Variants in DYNC2H1 observed in about 807,000 individuals in gnomAD.
DYNC2H1 encodes dynein cytoplasmic 2 heavy chain 1.
DYNC2H1 carries 410 observed loss-of-function variants against 570.0 expected under a neutral mutation model. The observed-to-expected ratio is 0.72, with a 90% CI of 0.66 to 0.78. DYNC2H1 has a LOEUF of 0.78. Ranked by LOEUF, DYNC2H1 falls within the 30% of genes least tolerant of loss-of-function variation. DYNC2H1 has a pLI of 0.00. For synonymous variants in DYNC2H1, 1,688 were observed against 1,677.6 expected (o/e 1.01, Z -0.15); for missense variants, 4,865 against 5,046.4 (o/e 0.96, Z 1.09).
chr11:103,317,352 TGA>T (rs1467758803), intron 80 of DYNC2H1, among the ~76,000 whole-genome samples: 1 of 148,038 alleles, frequency 6.8e-6, no homozygotes, highest in East Asian at 2.0e-4. Context: ...CTAAAGCCTG[TGA>T]GTCACCTTGG....
rs113500552 is a variant in DYNC2H1, at chr11:103,391,884, G to A, written c.12157-7779G>A. 5.1e-4 allele frequency among the ~76,000 whole-genome samples: 76 copies of A among 149,712 alleles called. 1 individual carries two copies. Among genetic ancestry groups the A allele is most frequent in the South Asian group, 2.4e-3 (11 of 4,670 alleles). ...CTTTGTCTCAGAGGGGTACCCAGCC[G>A]TGTGAGGTGTCATTGTGCCCCTACT... On this transcript the variant is annotated intron_variant, in intron 83 of 88. Transcript: ENST00000375735.
At chr11:103,219,432 C>T (rs55721942) in intron 55 of DYNC2H1, among the ~76,000 whole-genome samples, 7,766 of 152,018 alleles carry the variant, frequency 0.051, 259 homozygotes, top group Non-Finnish European at 0.071. Context: ...GCCAACATGG[C>T]GAAACCCCGT....
chr11:103,204,780 A>G lies in DYNC2H1; in HGVS notation c.8312-42A>G, dbSNP rs1166667234. On this transcript the variant is annotated intron_variant, in intron 51 of 88. Coordinates refer to ENST00000375735, the MANE Select transcript of DYNC2H1 (RefSeq NM_001377.3). This position sits in a 1 kb window ranked among gnomAD's most constrained non-coding sequence, Gnocchi z 4.1. ...TTGATCTCTTTAACCCAGACCACGT[A>G]TAGATTGCCTGATTGTATTATTATT... The G allele has an allele frequency of 7.2e-6, 11 of 1,523,240 alleles. No homozygotes were observed. Among genetic ancestry groups the G allele is most frequent in the African/African-American group, 1.4e-5 (1 of 72,260 alleles). 94.4% of individuals were successfully genotyped at this position (1,523,240 alleles called of 1,614,324 possible). A position where few individuals can be genotyped will look rare whatever the true frequency, so the allele number is the denominator to read the frequency against.
chr11:103,170,878 T>A lies in DYNC2H1; in HGVS notation c.5152-8T>A. 2 of 1,470,488 alleles carry A rather than the reference T, an allele frequency of 1.4e-6. No individual in the cohort carries two copies. Among genetic ancestry groups the A allele is most frequent in the Non-Finnish European group, 1.8e-6 (2 of 1,102,030 alleles). The allele number at this position is 1,470,488 out of a possible 1,614,324, so 91.1% of individuals were successfully genotyped here. ...TTAATGACTATAATTTTTATTGTTGTTTTTAAGGGCATCGATGTGAAGTCA... is the reference window on the plus strand; with the variant it reads ...TTAATGACTATAATTTTTATTGTTGATTTTAAGGGCATCGATGTGAAGTCA... On this transcript the variant is annotated splice_region_variant and splice_polypyrimidine_tract_variant and intron_variant, in intron 33 of 88. Transcript: ENST00000375735. The surrounding 1 kb of genome is among the most constrained non-coding windows in gnomAD (Gnocchi z 4.8).
At chr11:103,374,504 AAC>A (rs1289566179) in intron 83 of DYNC2H1, among the ~76,000 whole-genome samples, 1 of 152,192 alleles carries the variant, frequency 6.6e-6, no homozygotes, top group Admixed American at 6.5e-5. Context: ...CAGAGGTTGG[AAC>A]AGTTTGGAGG....
intron 84 of DYNC2H1, among the ~76,000 whole-genome samples, chr11:103,415,950 C>T (rs1374869788): frequency 6.6e-6 from 1 of 152,160 alleles, no homozygotes; most frequent in Non-Finnish European, 1.5e-5. Context: ...CACATATACA[C>T]CATGGAATAC....
chr11:103,267,448 A>G (rs970347458), intron 70 of DYNC2H1, among the ~76,000 whole-genome samples: 2 of 150,982 alleles, frequency 1.3e-5, no homozygotes, highest in Non-Finnish European at 2.9e-5. Flanking sequence ...TTAAGCCTCA[A>G]TTTTACCTTG....
intron 82 of DYNC2H1, among the ~76,000 whole-genome samples, chr11:103,348,045 G>A (rs768345079): frequency 6.5e-4 from 99 of 152,126 alleles, no homozygotes; most frequent in Non-Finnish European, 1.1e-3. Flanking sequence ...GGTAATTTTC[G>A]AGGTGATGAA....
rs71962098 is a variant in DYNC2H1, at chr11:103,332,312, GAAAAA to G, written c.12039+8336_12039+8340del. ...TGAAACATAAGGAGAAAAAAACTGGGAAAAAAAAAAAAAAAAAATAGAACAAAGCA... is the reference window on the plus strand; with the variant it reads ...TGAAACATAAGGAGAAAAAAACTGGGAAAAAAAAAAAAATAGAACAAAGCA... On this transcript the variant is annotated intron_variant, in intron 82 of 88. Coordinates refer to ENST00000375735, the MANE Select transcript of DYNC2H1 (RefSeq NM_001377.3). Among the ~76,000 whole-genome samples the G allele has an allele frequency of 2.3e-4, 28 of 122,542 alleles. No homozygotes were observed. The East Asian group carries it at 3.8e-3, about 16-fold the overall frequency. 80.4% of individuals were successfully genotyped at this position (122,542 alleles called of 152,430 possible).
intron 83 of DYNC2H1, among the ~76,000 whole-genome samples, chr11:103,364,763 C>T (rs1413123356): frequency 2.0e-5 from 3 of 152,112 alleles, no homozygotes; most frequent in African/African-American, 7.2e-5. Context: ...ACTTTACCAC[C>T]ACCACTGCCA....
rs879078841 is a variant in DYNC2H1, at chr11:103,170,341, A to G, written c.5151+51A>G. The G allele has an allele frequency of 1.4e-6, 2 of 1,420,064 alleles. No homozygotes were observed. The highest frequency in any genetic ancestry group is 1.8e-4 in the Middle Eastern group (1 of 5,576). The allele number at this position is 1,420,064 out of a possible 1,614,324, so 88.0% of individuals were successfully genotyped here. On this transcript the variant is annotated intron_variant, in intron 33 of 88. Coordinates refer to ENST00000375735, the MANE Select transcript of DYNC2H1 (RefSeq NM_001377.3). This position sits in a 1 kb window ranked among gnomAD's most constrained non-coding sequence, Gnocchi z 4.8. ...GTAACAATGGGTTAATCATATTTAGATTAGTTTCTATTAGTATATGAAATA... is the reference window on the plus strand; with the variant it reads ...GTAACAATGGGTTAATCATATTTAGGTTAGTTTCTATTAGTATATGAAATA...
At chr11:103,248,218 G>A (rs1295858032) in intron 65 of DYNC2H1, among the ~76,000 whole-genome samples, 2 of 151,984 alleles carry the variant, frequency 1.3e-5, no homozygotes, top group Non-Finnish European at 1.5e-5. Context: ...CTTTAATTAA[G>A]TCCCATTCAT....
At chr11:103,312,358 C>T (rs1591560771) in intron 79 of DYNC2H1, among the ~76,000 whole-genome samples, 1 of 110,852 alleles carries the variant, frequency 9.0e-6, no homozygotes. Context: ...CCAGCCTGGG[C>T]AACAAGAGCA....
Position 103,244,803 on chromosome 11 carries a change from CATAGTT to C in DYNC2H1, c.9919-443_9919-438del, listed in dbSNP as rs1864549037. Among the ~76,000 whole-genome samples, 1 of 148,746 alleles carries C rather than the reference CATAGTT, an allele frequency of 6.7e-6. No individual in the cohort carries two copies. The highest frequency in any genetic ancestry group is 2.1e-4 in the South Asian group (1 of 4,756). On this transcript the variant is annotated intron_variant, in intron 64 of 88. Coordinates refer to ENST00000375735, the MANE Select transcript of DYNC2H1 (RefSeq NM_001377.3). The surrounding 1 kb of genome is among the most constrained non-coding windows in gnomAD (Gnocchi z 4.3). Reference sequence around the variant, plus strand: ...TATAAGTACTATATCTATATATAGTCATAGTTATAGACATATAAGTAACTATATAGT... The same window carrying C: ...TATAAGTACTATATCTATATATAGTCATAGACATATAAGTAACTATATAGT...
intron 75 of DYNC2H1, among the ~76,000 whole-genome samples, chr11:103,291,466 A>C (rs1344132583): frequency 6.6e-6 from 1 of 152,078 alleles, no homozygotes; most frequent in African/African-American, 2.4e-5. Context: ...TAAATAAATA[A>C]TTTTTTAAAG....
rs772988875 is a variant in DYNC2H1 at position 103,479,116 on chromosome 11, C to T, written c.12787C>T (p.Pro4263Ser). 1.2e-6 allele frequency: 2 copies of T among 1,613,694 alleles called. No homozygotes were observed. Among genetic ancestry groups the T allele is most frequent in the Non-Finnish European group, 1.7e-6 (2 of 1,179,716 alleles). ...ACAGGATGCATGTGGTCCATATTCTCCGGATGAGTGCATCTCTTTGCCTGT... is the reference window on the plus strand; with the variant it reads ...ACAGGATGCATGTGGTCCATATTCTTCGGATGAGTGCATCTCTTTGCCTGT... ...IPQDACGPYS[P>S]DECISLPVYT... The change falls in exon 89 of 89, where the codon CCG becomes TCG. Residue 4263 changes from proline (P) to serine (S), a missense_variant. Transcript: ENST00000375735.
Position 103,311,743 on chromosome 11 carries a change from G to A in DYNC2H1, c.11494-135G>A, listed in dbSNP as rs1360864841. 10 of 753,190 alleles carry A rather than the reference G, an allele frequency of 1.3e-5. No individual in the cohort carries two copies. The South Asian group carries it at 1.4e-4, about 11-fold the overall frequency. 46.7% of individuals were successfully genotyped at this position (753,190 alleles called of 1,614,324 possible). ...ACACTAGTTTTATGTACATTTTGAA[G>A]TAACATAATAATTTAACTCAAACCC... On this transcript the variant is annotated intron_variant, in intron 78 of 88. Coordinates refer to ENST00000375735, the MANE Select transcript of DYNC2H1 (RefSeq NM_001377.3).
intron 84 of DYNC2H1, among the ~76,000 whole-genome samples, chr11:103,400,658 CT>C (rs57699673): frequency 4.0e-4 from 59 of 146,932 alleles, no homozygotes; most frequent in East Asian, 2.2e-3. Flanking sequence ...ATTAAGTTTT[CT>C]TTTTTTTTTT....
chr11:103,366,736 G>C (rs1332611756), intron 83 of DYNC2H1, among the ~76,000 whole-genome samples: 2 of 152,022 alleles, frequency 1.3e-5, no homozygotes, highest in African/African-American at 4.8e-5. Context: ...GACTAGATTA[G>C]TTAATACTTG....
Sources: gnomAD v4.1 joint callset for allele counts (sites outside exome capture counted in the v4.1 genomes callset) on GRCh38, gnomAD v4.1.1 for gene constraint, Gnocchi (gnomAD v3.1) non-coding constraint, MANE v1.5 for transcripts, NCBI Gene and HGNC (gene_info 2026-07-23, HGNC 2026-07-21) for gene names.